The following SUSD4 variants were observed in gnomAD, a reference collection of about 807,000 sequenced individuals.
SUSD4 encodes sushi domain containing 4.
SUSD4 carries 41 observed loss-of-function variants against 50.5 expected under a neutral mutation model. The ratio of observed to expected loss-of-function variants is 0.81; its 90% CI spans 0.63 to 1.05. SUSD4 has a LOEUF of 1.05. SUSD4 is among the 50% of genes least tolerant of loss of function. The probability of loss-of-function intolerance (pLI) is 0.00; values close to 1 mark genes in which losing one functional copy is unlikely to be tolerated. For synonymous variants in SUSD4, 257 were observed against 257.3 expected (o/e 1.00, Z 0.01); for missense variants, 580 against 634.7 (o/e 0.91, Z 0.93).
intron 5 of SUSD4, among the ~76,000 whole-genome samples, chr1:223,239,987 A>C (rs538967861): frequency 2.6e-5 from 4 of 152,076 alleles, no homozygotes; most frequent in East Asian, 3.9e-4. Flanking sequence ...AACTTTCCAC[A>C]TTTTTGTTTG....
At chr1:223,259,674 C>T (rs1558189582) in intron 5 of SUSD4, among the ~76,000 whole-genome samples, 2 of 152,152 alleles carry the variant, frequency 1.3e-5, no homozygotes, top group South Asian at 2.1e-4. Flanking sequence ...TGCAACCGCT[C>T]ATAACCAGCA....
Position 223,227,546 on chromosome 1 carries a change from T to C in SUSD4, c.1061+48A>G. On this transcript the variant is annotated intron_variant, in intron 7 of 8. Coordinates refer to ENST00000366878, the MANE Select transcript of SUSD4 (RefSeq NM_017982.4). This position sits in a 1 kb window ranked among gnomAD's most constrained non-coding sequence, Gnocchi z 4.5. ...TTCTCCCTCTGCTGCTAAGGGTAGC[T>C]GCATTGAGTCAGACCTTGAGCCACA... The C allele has an allele frequency of 6.3e-7, 1 of 1,596,260 alleles. No homozygotes were observed. Among genetic ancestry groups the C allele is most frequent in the South Asian group, 1.1e-5 (1 of 89,716 alleles).
chr1:223,298,082 A>C (rs1664948117), intron 2 of SUSD4, among the ~76,000 whole-genome samples: 1 of 151,820 alleles, frequency 6.6e-6, no homozygotes, highest in Non-Finnish European at 1.5e-5. Flanking sequence ...GGCTGGCTGG[A>C]TGGGTGAATA....
At chr1:223,284,648 C>T (rs1436900345) in intron 3 of SUSD4, among the ~76,000 whole-genome samples, 1 of 152,102 alleles carries the variant, frequency 6.6e-6, no homozygotes, top group Non-Finnish European at 1.5e-5. Context: ...AACTGTGGTA[C>T]ATAAATGCCA....
chr1:223,229,062 T>G lies in SUSD4; in HGVS notation c.916+135A>C. 1 of 908,738 alleles carries G rather than the reference T, an allele frequency of 1.1e-6. No homozygotes were observed. Among genetic ancestry groups the G allele is most frequent in the Non-Finnish European group, 1.7e-6 (1 of 605,264 alleles). The allele number at this position is 908,738 out of a possible 1,614,324, so 56.3% of individuals were successfully genotyped here. ...CAACAGCAGCCCCATCGACCCGCAA[T>G]GATATGTTTCGATATCCTGTTCCTG... On this transcript the variant is annotated intron_variant, in intron 6 of 8. Transcript: ENST00000366878. The surrounding 1 kb of genome is among the most constrained non-coding windows in gnomAD (Gnocchi z 4.7).
intron 2 of SUSD4, among the ~76,000 whole-genome samples, chr1:223,326,078 TA>T (rs1198157684): frequency 6.6e-6 from 1 of 152,156 alleles, no homozygotes; most frequent in African/African-American, 2.4e-5. Context: ...TCTGGAGGCA[TA>T]ACATTACCAG....
rs542686998 is a variant in SUSD4, at chr1:223,341,435, G to A, written c.148+21843C>T. On this transcript the variant is annotated intron_variant, in intron 2 of 8. Transcript: ENST00000366878. ...GGGCAGCTGCCGCCAGCAGAGCCTG[G>A]AGAGGGTCCCACCTCCCACCCACCC... 1.5e-3 allele frequency among the ~76,000 whole-genome samples: 229 copies of A among 152,290 alleles called. 1 individual carries two copies. Among genetic ancestry groups the A allele is most frequent in the African/African-American group, 5.1e-3 (214 of 41,556 alleles).
At chr1:223,355,694 C>T (rs1186732694) in intron 2 of SUSD4, among the ~76,000 whole-genome samples, 5 of 152,140 alleles carry the variant, frequency 3.3e-5, no homozygotes, top group Admixed American at 6.5e-5. Context: ...TCCACTTCCA[C>T]GGTGGTAATT....
chr1:223,259,656 C>T (rs1346775343), intron 5 of SUSD4, among the ~76,000 whole-genome samples: 1 of 152,126 alleles, frequency 6.6e-6, no homozygotes, highest in Non-Finnish European at 1.5e-5. Flanking sequence ...TAGAGAAGAG[C>T]CCTTTCCTGC....
At chr1:223,309,896 G>A (rs1337813667) in intron 2 of SUSD4, among the ~76,000 whole-genome samples, 2 of 152,138 alleles carry the variant, frequency 1.3e-5, no homozygotes, top group Non-Finnish European at 2.9e-5. Context: ...GTGCTTACAG[G>A]GTTCCACATC....
intron 2 of SUSD4, among the ~76,000 whole-genome samples, chr1:223,294,764 G>C (rs898485486): frequency 1.3e-5 from 2 of 152,214 alleles, no homozygotes; most frequent in African/African-American, 4.8e-5. Context: ...AGCCTTCTCA[G>C]CCCTCCTGCT....
rs562069614 is a variant in SUSD4, at chr1:223,232,242, T to C, written c.725-2854A>G. Among the ~76,000 whole-genome samples the C allele has an allele frequency of 4.6e-5, 7 of 152,280 alleles. No homozygotes were observed. The East Asian group carries it at 1.4e-3, about 29-fold the overall frequency. On this transcript the variant is annotated intron_variant, in intron 5 of 8. Coordinates refer to ENST00000366878, the MANE Select transcript of SUSD4 (RefSeq NM_017982.4). ...CATAGGACGAAGCCCAGAGCTCTGA[T>C]GTATAGTATCCAGACTCCAGTTAAT...
intron 2 of SUSD4, chr1:223,358,925 A>C: frequency 9.5e-6 from 3 of 314,456 alleles, no homozygotes; most frequent in East Asian, 8.0e-5. Flanking sequence ...AATGTTTCTC[A>C]ATAAAACTAA....
intron 2 of SUSD4, among the ~76,000 whole-genome samples, chr1:223,334,814 C>T (rs901446826): frequency 2.6e-5 from 4 of 151,996 alleles, no homozygotes; most frequent in African/African-American, 9.7e-5. Flanking sequence ...TACACTGAAC[C>T]CCACTTGTAG....
chr1:223,289,050 A>G (rs1054694141), intron 3 of SUSD4: 1 of 965,242 alleles, frequency 1.0e-6, no homozygotes, highest in Non-Finnish European at 1.2e-6. Flanking sequence ...CCAAGTAGAC[A>G]TAACTGAGTT....
Position 223,221,195 on chromosome 1 carries a change from A to T in SUSD4, c.*997T>A, listed in dbSNP as rs1490104541. The T allele has an allele frequency of 2.5e-6, 1 of 400,352 alleles. No individual in the cohort carries two copies. Among genetic ancestry groups the T allele is most frequent in the Non-Finnish European group, 4.4e-6 (1 of 226,166 alleles). 24.8% of individuals were successfully genotyped at this position (400,352 alleles called of 1,614,324 possible). On this transcript the variant is annotated 3_prime_UTR_variant, in exon 9 of 9. Coordinates refer to ENST00000366878, the MANE Select transcript of SUSD4 (RefSeq NM_017982.4). ...AAAAGGGGGAAAAATCCAACCTCAC[A>T]CTTCTTTTGAAGGTCGGATATGTTT...
At chr1:223,315,640 G>T (rs1031310746) in intron 2 of SUSD4, among the ~76,000 whole-genome samples, 1 of 152,164 alleles carries the variant, frequency 6.6e-6, no homozygotes, top group East Asian at 1.9e-4. Context: ...TTTCTTTATC[G>T]CATTGCCGTG....
chr1:223,363,244 C>T lies in SUSD4; in HGVS notation c.148+34G>A, dbSNP rs1454141568. 6 of 1,530,078 alleles carry T rather than the reference C, an allele frequency of 3.9e-6. No individual in the cohort carries two copies. The East Asian group carries it at 1.4e-4, about 36-fold the overall frequency. The allele number at this position is 1,530,078 out of a possible 1,614,324, so 94.8% of individuals were successfully genotyped here. Reference sequence around the variant, plus strand: ...AGGCTCTTTCTCCCCTCTGGGCCATCCCCAGGCCCTCCCACCACAGCTGGG... The same window carrying T: ...AGGCTCTTTCTCCCCTCTGGGCCATTCCCAGGCCCTCCCACCACAGCTGGG... On this transcript the variant is annotated intron_variant, in intron 2 of 8. Transcript: ENST00000366878.
chr1:223,270,937 C>T (rs1385079539), intron 3 of SUSD4, among the ~76,000 whole-genome samples: 1 of 152,116 alleles, frequency 6.6e-6, no homozygotes, highest in Non-Finnish European at 1.5e-5. Context: ...CAGAATCAAC[C>T]CCAATCCCAG....
Sources: allele counts gnomAD v4.1 joint callset (sites outside exome capture counted in the v4.1 genomes callset), GRCh38; gene constraint gnomAD v4.1.1; non-coding constraint Gnocchi (gnomAD v3.1); transcripts MANE v1.5; gene names NCBI Gene and HGNC (gene_info 2026-07-23, HGNC 2026-07-21).